IGSF11: variants seen among roughly 807,000 people sequenced by gnomAD.
IGSF11 encodes the protein immunoglobulin superfamily member 11, also known as CXADR like 1.
A neutral mutation model predicts 41.0 loss-of-function variants in IGSF11; 22 were observed. That is an observed-to-expected ratio of 0.54 (90% CI 0.38 to 0.77). The LOEUF is 0.77. IGSF11 is among the 30% of genes least tolerant of loss of function. IGSF11 has a pLI of 0.00. For synonymous variants in IGSF11, 219 were observed against 201.3 expected (o/e 1.09, Z -0.74); for missense variants, 444 against 530.8 (o/e 0.84, Z 1.61).
chr3:119,138,814 A>G (rs1018733922), intron 1 of IGSF11, among the ~76,000 whole-genome samples: 1 of 152,228 alleles, frequency 6.6e-6, no homozygotes, highest in African/African-American at 2.4e-5. Flanking sequence ...GGAGCTAGAA[A>G]TAAAAACAAT....
Position 119,034,593 on chromosome 3 carries a change from C to A in IGSF11, c.-11G>T. Reference sequence around the variant, plus strand: ...ACGCTGAGAAGTCATCCCGGGGCCGCAGGGAGCGCGCCTGCCTCCTACCCG... The same window carrying A: ...ACGCTGAGAAGTCATCCCGGGGCCGAAGGGAGCGCGCCTGCCTCCTACCCG... On this transcript the variant is annotated 5_prime_UTR_variant, in exon 1 of 7. Coordinates refer to ENST00000393775, the MANE Select transcript of IGSF11 (RefSeq NM_001015887.3). The A allele has an allele frequency of 6.3e-7, 1 of 1,586,340 alleles. No individual in the cohort carries two copies. Among genetic ancestry groups the A allele is most frequent in the Admixed American group, 1.8e-5 (1 of 56,886 alleles).
At chr3:118,905,545 G>T in intron 5 of IGSF11, 51 bp downstream of exon 5, 1 of 1,597,290 alleles carries the variant, frequency 6.3e-7, no homozygotes, top group Non-Finnish European at 8.6e-7. Context: ...GTATAACAAA[G>T]ATCTTAGAGT....
chr3:118,965,470 CTTTT>C (rs1170286157), intron 1 of IGSF11, among the ~76,000 whole-genome samples: 2 of 150,908 alleles, frequency 1.3e-5, no homozygotes, highest in African/African-American at 4.9e-5. Context: ...TGTTTTGTTG[CTTTT>C]TTTTGGCTCG....
rs976448378 is a variant in IGSF11 at position 119,129,284 on chromosome 3, C to CT, written c.-14+16528dup. 2.0e-5 allele frequency among the ~76,000 whole-genome samples: 3 copies of CT among 152,110 alleles called. 1 individual carries two copies. Among genetic ancestry groups the CT allele is most frequent in the South Asian group, 4.2e-4 (2 of 4,810 alleles). On this transcript the variant is annotated intron_variant, in intron 1 of 7. Transcript: ENST00000425327. ...ATACATGTATACATGTATCCCGTTT[C>CT]TTTTTTAGAAGAAATAAAGAAAAAT...
intron 1 of IGSF11, among the ~76,000 whole-genome samples, chr3:118,932,748 G>C (rs1942957740): frequency 6.6e-6 from 1 of 152,160 alleles, no homozygotes; most frequent in South Asian, 2.1e-4. Flanking sequence ...ATGTTTTTAA[G>C]AATAAGTGTG....
At chr3:118,958,687 C>T (rs114129235) in intron 1 of IGSF11, among the ~76,000 whole-genome samples, 4 of 152,296 alleles carry the variant, frequency 2.6e-5, no homozygotes, top group Non-Finnish European at 5.9e-5. Flanking sequence ...GATTTACTTG[C>T]AGTGAGTAAA....
At chr3:119,024,786 A>G (rs989613684) in intron 1 of IGSF11, among the ~76,000 whole-genome samples, 2 of 152,204 alleles carry the variant, frequency 1.3e-5, no homozygotes, top group African/African-American at 4.8e-5. Flanking sequence ...TGCTTGGCTT[A>G]GACAAAGAAA....
At chr3:119,125,339 C>T (rs531734015) in intron 1 of IGSF11, among the ~76,000 whole-genome samples, 1 of 152,142 alleles carries the variant, frequency 6.6e-6, no homozygotes, top group Admixed American at 6.6e-5. Context: ...TGTTTATTCA[C>T]TTGGGTGCAA....
chr3:118,904,567 T>G, intron 6 of IGSF11, 81 bp downstream of exon 6: 3 of 990,330 alleles, frequency 3.0e-6, no homozygotes, highest in Non-Finnish European at 4.6e-6. Flanking sequence ...TTATGATTAG[T>G]AGATATATCT....
chr3:119,126,629 T>G (rs1039549792), intron 1 of IGSF11, among the ~76,000 whole-genome samples: 6 of 152,138 alleles, frequency 3.9e-5, no homozygotes, highest in African/African-American at 1.4e-4. Flanking sequence ...GGCATCAGGG[T>G]GGTGCCCCTT....
At chr3:119,078,925 G>T (rs770873205) in intron 1 of IGSF11, among the ~76,000 whole-genome samples, 3 of 151,882 alleles carry the variant, frequency 2.0e-5, no homozygotes, top group Non-Finnish European at 2.9e-5. Flanking sequence ...AGAAGTGAAC[G>T]GACATTTCTC....
upstream of IGSF11, chr3:119,105,335 A>G (rs574806506): frequency 6.8e-6 from 4 of 587,068 alleles, no homozygotes; most frequent in African/African-American, 1.9e-5. Flanking sequence ...GAGCCATAAC[A>G]AAATATTAGG....
chr3:119,134,376 C>A (rs1394402584), intron 1 of IGSF11, among the ~76,000 whole-genome samples: 1 of 152,154 alleles, frequency 6.6e-6, no homozygotes, highest in Non-Finnish European at 1.5e-5. Context: ...GCTCAGTATA[C>A]AAAATCAATG....
At chr3:119,071,449 T>C (rs899216610) in intron 1 of IGSF11, among the ~76,000 whole-genome samples, 1 of 152,212 alleles carries the variant, frequency 6.6e-6, no homozygotes, top group Non-Finnish European at 1.5e-5. Flanking sequence ...AAAAATTTTA[T>C]AGTTTTAGCT....
intron 1 of IGSF11, among the ~76,000 whole-genome samples, chr3:119,061,892 G>C (rs1167407847): frequency 6.6e-6 from 1 of 151,702 alleles, no homozygotes; most frequent in Non-Finnish European, 1.5e-5. Flanking sequence ...TTGATGTCTA[G>C]AACCAAATAA....
At chr3:118,959,606 A>G (rs963380769) in intron 1 of IGSF11, among the ~76,000 whole-genome samples, 9 of 152,218 alleles carry the variant, frequency 5.9e-5, no homozygotes, top group Admixed American at 2.0e-4. Context: ...ACTACTATGA[A>G]TAGTTAGTGG....
In IGSF11 at chr3:118,902,629, G is replaced by A. The variant is rs757452341; in HGVS notation, c.1187C>T (p.Pro396Leu). ...GTAGGAATGAGTGTGTGGAGGCCGAGGCTTCCTACTGACTGAGCCATTGCT... is the reference window on the plus strand; with the variant it reads ...GTAGGAATGAGTGTGTGGAGGCCGAAGCTTCCTACTGACTGAGCCATTGCT... ...SRSNGSVSRK[P>L]RPPHTHSYTI... The change falls in exon 7 of 7, where the codon CCT (proline) becomes CTT (leucine). Residue 396 changes from proline (P) to leucine (L), a missense_variant. Pro to Leu is a moderately conservative substitution (Grantham distance 98). Around this residue, in one of 3 missense-constraint regions of IGSF11, gnomAD observed 223 missense variants for 226.2 expected, o/e 0.99. Coordinates refer to ENST00000393775, the MANE Select transcript of IGSF11 (RefSeq NM_001015887.3). 52 of 1,614,060 alleles carry A rather than the reference G, an allele frequency of 3.2e-5. 2 individuals are homozygous for A. In the South Asian group the frequency reaches 4.8e-4, roughly 15 times the overall value.
intron 1 of IGSF11, among the ~76,000 whole-genome samples, chr3:118,957,056 C>A (rs568694588): frequency 7.9e-5 from 12 of 151,914 alleles, no homozygotes; most frequent in Non-Finnish European, 2.9e-5. Context: ...CCCAGGAAAG[C>A]CTGGGTGTAA....
chr3:118,975,058 T>C (rs1392097677), intron 1 of IGSF11, among the ~76,000 whole-genome samples: 4 of 152,070 alleles, frequency 2.6e-5, no homozygotes, highest in Non-Finnish European at 5.9e-5. Flanking sequence ...ATGACCAATA[T>C]ACAGTGCAAG....
Sources: gnomAD v4.1 joint callset for allele counts (sites outside exome capture counted in the v4.1 genomes callset) on GRCh38, gnomAD v4.1.1 for gene constraint, gnomAD v4.1.1 regional missense constraint, MANE v1.5 for transcripts, NCBI Gene and HGNC (gene_info 2026-07-23, HGNC 2026-07-21) for gene names.